SUCLG2: variants seen among roughly 807,000 people sequenced by gnomAD.
SUCLG2 encodes the protein succinate-CoA ligase GDP-forming subunit beta.
A neutral mutation model predicts 47.9 loss-of-function variants in SUCLG2; 42 were observed. That is an observed-to-expected ratio of 0.88 (90% confidence interval 0.69 to 1.14). SUCLG2 has a LOEUF of 1.14. SUCLG2 is among the 50% of genes most tolerant of loss of function. The probability of loss-of-function intolerance (pLI) is 0.00; values close to 1 mark genes in which losing one functional copy is unlikely to be tolerated. For synonymous variants in SUCLG2, 195 were observed against 197.3 expected (o/e 0.99, Z 0.10); for missense variants, 571 against 525.9 (o/e 1.09, Z -0.84).
intron 4 of SUCLG2, among the ~76,000 whole-genome samples, chr3:67,527,283 G>C (rs965097334): frequency 2.0e-5 from 3 of 152,162 alleles, no homozygotes; most frequent in Admixed American, 6.5e-5. Flanking sequence ...CCAAAATGCA[G>C]GACCCTAATT....
chr3:67,400,725 A>G lies in SUCLG2; in HGVS notation c.1183+6T>C. The G allele has an allele frequency of 6.2e-7, 1 of 1,611,018 alleles. No homozygotes were observed. The highest frequency in any genetic ancestry group is 2.2e-5 in the East Asian group (1 of 44,824). ...GCTGGCACAGCGGAAATCTACCATG[A>G]CTCACCTTCAAGCCGGACCACCAGG... On this transcript the variant is annotated splice_donor_region_variant and intron_variant, in intron 10 of 10. Transcript: ENST00000307227.
chr3:67,645,889 A>G (rs1399545078), intron 1 of SUCLG2, among the ~76,000 whole-genome samples: 1 of 151,422 alleles, frequency 6.6e-6, no homozygotes. Flanking sequence ...AACAGGTAAG[A>G]GAGTACAAGC....
intron 1 of SUCLG2, among the ~76,000 whole-genome samples, chr3:67,633,266 T>A (rs900755636): frequency 3.9e-5 from 6 of 152,244 alleles, no homozygotes; most frequent in Non-Finnish European, 8.8e-5. Context: ...TCTAATTTTA[T>A]GCTAGATGAA....
intron 1 of SUCLG2, among the ~76,000 whole-genome samples, chr3:67,642,711 C>T (rs1173135975): frequency 6.6e-6 from 1 of 152,182 alleles, no homozygotes; most frequent in African/African-American, 2.4e-5. Flanking sequence ...GATAATCCTC[C>T]TCAAGTGCAC....
intron 7 of SUCLG2, among the ~76,000 whole-genome samples, chr3:67,506,392 A>G (rs1264938950): frequency 1.3e-5 from 2 of 152,258 alleles, no homozygotes; most frequent in Non-Finnish European, 2.9e-5. Context: ...TGAACAAATT[A>G]ATAACTAAAG....
At chr3:67,606,737 C>A (rs78848366) in intron 2 of SUCLG2, among the ~76,000 whole-genome samples, 1 of 152,280 alleles carries the variant, frequency 6.6e-6, no homozygotes, top group Non-Finnish European at 1.5e-5. Flanking sequence ...ATATAAGTCA[C>A]TTCAATTTCT....
chr3:67,645,442 A>G (rs1056523178), intron 1 of SUCLG2, among the ~76,000 whole-genome samples: 8 of 152,152 alleles, frequency 5.3e-5, no homozygotes, highest in African/African-American at 1.9e-4. Flanking sequence ...TTCAACACTC[A>G]GCCATTCAGT....
At chr3:67,483,680 ATAT>A (rs1321799159) in intron 9 of SUCLG2, among the ~76,000 whole-genome samples, 4 of 152,152 alleles carry the variant, frequency 2.6e-5, no homozygotes. Context: ...GACACTTAAT[ATAT>A]TCTTGTTTGG....
chr3:67,406,968 T>C (rs1328038361), intron 9 of SUCLG2, among the ~76,000 whole-genome samples: 4 of 152,140 alleles, frequency 2.6e-5, no homozygotes, highest in South Asian at 4.1e-4. Flanking sequence ...GCAGGGCAGT[T>C]AGGAATAGCT....
intron 4 of SUCLG2, among the ~76,000 whole-genome samples, chr3:67,526,928 G>C (rs1400622126): frequency 6.6e-6 from 1 of 152,134 alleles, no homozygotes; most frequent in Non-Finnish European, 1.5e-5. Flanking sequence ...AACCAACCCA[G>C]ATGTCTTTCA....
chr3:67,426,013 C>G (rs1224121954), intron 9 of SUCLG2, among the ~76,000 whole-genome samples: 1 of 152,080 alleles, frequency 6.6e-6, no homozygotes, highest in Non-Finnish European at 1.5e-5. Flanking sequence ...GAATATAACT[C>G]AATTACCAAC....
chr3:67,376,213 G>C (rs1244373290), intron 10 of SUCLG2: 2 of 985,278 alleles, frequency 2.0e-6, no homozygotes, highest in African/African-American at 3.5e-5. Context: ...CAGGGGTTTG[G>C]GCTGTGACCT....
chr3:67,615,508 T>A (rs930517297), intron 1 of SUCLG2, among the ~76,000 whole-genome samples: 1 of 151,988 alleles, frequency 6.6e-6, no homozygotes, highest in Non-Finnish European at 1.5e-5. Context: ...TAAAGCAGTA[T>A]TAGAAAGAGC....
chr3:67,503,029 C>G (rs999549895), intron 7 of SUCLG2, among the ~76,000 whole-genome samples: 4 of 152,178 alleles, frequency 2.6e-5, no homozygotes, highest in Non-Finnish European at 5.9e-5. Flanking sequence ...GACCCTCAAG[C>G]CAGCCCTATT....
Position 67,446,031 on chromosome 3 carries a change from G to A in SUCLG2, c.1063-45180C>T, listed in dbSNP as rs555610066. ...TCTAGACGGACCTATCGGGAGACCT[G>A]TTCCAAGTACCAATAATGTCTCTTC... is the stretch of plus-strand genomic sequence containing the variant. On this transcript the variant is annotated intron_variant, in intron 9 of 10. Coordinates refer to ENST00000307227, the MANE Select transcript of SUCLG2 (RefSeq NM_003848.4). Among the ~76,000 whole-genome samples, 345 of 69,566 alleles carry A rather than the reference G, an allele frequency of 5.0e-3. 103 individuals carry two copies. Among genetic ancestry groups the A allele is most frequent in the African/African-American group, 0.016 (318 of 19,576 alleles). 45.6% of individuals were successfully genotyped at this position (69,566 alleles called of 152,430 possible).
intron 9 of SUCLG2, among the ~76,000 whole-genome samples, chr3:67,472,311 T>C (rs1012820047): frequency 6.6e-6 from 1 of 152,360 alleles, no homozygotes; most frequent in African/African-American, 2.4e-5. Flanking sequence ...CAAGACCATG[T>C]TTCCTTTCAT....
intron 9 of SUCLG2, among the ~76,000 whole-genome samples, chr3:67,442,532 G>T (rs1183829860): frequency 1.3e-5 from 2 of 152,192 alleles, no homozygotes; most frequent in East Asian, 3.9e-4. Context: ...CTAGATTTAA[G>T]ACTCCTGTGA....
intron 9 of SUCLG2, among the ~76,000 whole-genome samples, chr3:67,442,305 C>A (rs548141222): frequency 5.3e-5 from 8 of 152,290 alleles, no homozygotes; most frequent in Admixed American, 5.2e-4. Context: ...CCACCGCGCC[C>A]GGCCAGGCTG....
intron 4 of SUCLG2, among the ~76,000 whole-genome samples, chr3:67,525,957 CA>C (rs1234898129): frequency 1.3e-5 from 2 of 152,076 alleles, no homozygotes; most frequent in Admixed American, 6.5e-5. Flanking sequence ...AGAAAATGGC[CA>C]AAAGAAATTT....
Sources: gnomAD v4.1 joint callset for allele counts (sites outside exome capture counted in the v4.1 genomes callset) on GRCh38, gnomAD v4.1.1 for gene constraint, MANE v1.5 for transcripts, NCBI Gene and HGNC (gene_info 2026-07-23, HGNC 2026-07-21) for gene names.